The following C6orf136 variants were observed in gnomAD, a reference collection of about 807,000 sequenced individuals.
C6orf136 encodes the protein uncharacterized protein C6orf136.
C6orf136 carries 29 observed loss-of-function variants against 44.0 expected under a neutral mutation model. The observed-to-expected ratio is 0.66, with a 90% CI of 0.49 to 0.90. The LOEUF (loss-of-function observed/expected upper bound fraction) is 0.90, where lower values mean the gene tolerates loss of function less well. Ranked by LOEUF, C6orf136 falls within the 40% of genes least tolerant of loss-of-function variation. C6orf136 has a pLI of 0.00. For missense variants in C6orf136, 628 were observed against 669.3 expected (o/e 0.94, Z 0.68); for synonymous variants, 293 against 278.6 (o/e 1.05, Z -0.52).
In C6orf136 at chr6:30,649,616, C is replaced by G. The variant is rs372878394; in HGVS notation, c.674C>G (p.Thr225Ser). 3.6e-5 allele frequency: 57 copies of G among 1,596,490 alleles called. No individual in the cohort carries two copies. The highest frequency in any genetic ancestry group is 7.5e-5 in the Admixed American group (4 of 53,334). Residue 225 changes from threonine to serine, a missense_variant, in exon 2 of 6, where the codon ACC (threonine) becomes AGC (serine). Physicochemically the swap from Thr to Ser is moderately conservative, Grantham distance 58. Around this residue, in one of 2 missense-constraint regions of C6orf136, gnomAD observed 497 missense variants for 469.2 expected, o/e 1.06. Coordinates refer to ENST00000651131, the MANE Select transcript of C6orf136 (RefSeq NM_001161376.2). The stretch of plus-strand genomic sequence containing the variant: ...CCCCTTTGGCCCCACTCCACGACAA[C>G]CACTTCCCCATCTTCTCCTCTATTC... ...FPPLWPHSTT[T>S]TSPSSPLFWS...
In C6orf136 at chr6:30,647,607, GGT is replaced by G. The variant is rs1766974387; in HGVS notation, c.378_379del (p.Asp127PhefsTer10). On this transcript the variant is annotated frameshift_variant, in exon 1 of 6. Transcript: ENST00000651131. LOFTEE classifies it high-confidence loss of function. This position sits in a 1 kb window ranked among gnomAD's most constrained non-coding sequence, Gnocchi z 4.8. ...CTCTCCGCGGTTACCTGTGCCTAGA[GGT>G]GATTTGAAGGGCAGGGGCCGAGAGA... The part of the protein sequence containing the change: ...PDSPRLPVPR[G>X]DLKGRGREIR... 1 of 1,549,188 alleles carries G rather than the reference GGT, an allele frequency of 6.5e-7. No homozygotes were observed. The highest frequency in any genetic ancestry group is 2.4e-5 in the East Asian group (1 of 40,882).
Position 30,649,544 on chromosome 6 carries a change from T to C in C6orf136, c.616-14T>C. 1 of 1,573,340 alleles carries C rather than the reference T, an allele frequency of 6.4e-7. No homozygotes were observed. Among genetic ancestry groups the C allele is most frequent in the Non-Finnish European group, 8.6e-7 (1 of 1,169,506 alleles). On this transcript the variant is annotated splice_polypyrimidine_tract_variant and intron_variant, in intron 1 of 5. Coordinates refer to ENST00000651131, the MANE Select transcript of C6orf136 (RefSeq NM_001161376.2). Reference sequence around the variant, plus strand: ...TGGATTCTTATCTTTCTCCCTTCTGTTCTTTCTCCTTAGGACCAGCTTTAT... The same window carrying C: ...TGGATTCTTATCTTTCTCCCTTCTGCTCTTTCTCCTTAGGACCAGCTTTAT...
Position 30,649,948 on chromosome 6 carries a change from C to G in C6orf136, c.1006C>G (p.Leu336Val). The G allele has an allele frequency of 6.2e-7, 1 of 1,613,240 alleles. No homozygotes were observed. Among genetic ancestry groups the G allele is most frequent in the Non-Finnish European group, 8.5e-7 (1 of 1,179,870 alleles). ...EEHLSVMYER[L>V]RQELPKLFLQ... ...ACATCTGTCTGTCATGTATGAGAGACTGAGACAAGAGGTAAGTCAGTGCAA... is the reference window on the plus strand; with the variant it reads ...ACATCTGTCTGTCATGTATGAGAGAGTGAGACAAGAGGTAAGTCAGTGCAA... The change falls in exon 2 of 6, where the codon CTG (leucine) becomes GTG (valine). Residue 336 changes from leucine (L) to valine (V), a missense_variant. Leu to Val is a conservative substitution (Grantham distance 32). Around this residue, in one of 2 missense-constraint regions of C6orf136, gnomAD observed 497 missense variants for 469.2 expected, o/e 1.06. Coordinates refer to ENST00000651131, the MANE Select transcript of C6orf136 (RefSeq NM_001161376.2).
rs1272678827 is a variant in C6orf136 at position 30,653,062 on chromosome 6, T to C, written c.*147T>C. On this transcript the variant is annotated 3_prime_UTR_variant, in exon 6 of 6. Coordinates refer to ENST00000651131, the MANE Select transcript of C6orf136 (RefSeq NM_001161376.2). ...TCTCATGCTGTGTAAAGCTGCTGTG[T>C]AATTTAACTTGTAAATAATAAAGTT... 3.3e-5 allele frequency: 35 copies of C among 1,051,482 alleles called. No homozygotes were observed. Among genetic ancestry groups the C allele is most frequent in the Non-Finnish European group, 4.5e-5 (33 of 732,780 alleles). The allele number at this position is 1,051,482 out of a possible 1,614,324, so 65.1% of individuals were successfully genotyped here. A position where few individuals can be genotyped will look rare whatever the true frequency, so the allele number is the denominator to read the frequency against.
chr6:30,653,046 G>A lies in C6orf136; in HGVS notation c.*131G>A, dbSNP rs1224482172. 1 of 1,067,268 alleles carries A rather than the reference G, an allele frequency of 9.4e-7. No homozygotes were observed. Among genetic ancestry groups the A allele is most frequent in the Non-Finnish European group, 1.4e-6 (1 of 738,268 alleles). 66.1% of individuals were successfully genotyped at this position (1,067,268 alleles called of 1,614,324 possible). A position where few individuals can be genotyped will look rare whatever the true frequency, so the allele number is the denominator to read the frequency against. ...CCTTCCTTCCTTTCCATCTCATGCTGTGTAAAGCTGCTGTGTAATTTAACT... is the reference window on the plus strand; with the variant it reads ...CCTTCCTTCCTTTCCATCTCATGCTATGTAAAGCTGCTGTGTAATTTAACT... On this transcript the variant is annotated 3_prime_UTR_variant, in exon 6 of 6. Transcript: ENST00000651131.
chr6:30,650,939 A>G, intron 2 of C6orf136, 55 bp from the exon 3 acceptor site: 4 of 1,391,316 alleles, frequency 2.9e-6, no homozygotes, highest in Non-Finnish European at 4.0e-6. Flanking sequence ...AGAAAACTGA[A>G]AAATAGGATT....
intron 1 of C6orf136, among the ~76,000 whole-genome samples, chr6:30,648,668 G>A (rs1448466202): frequency 6.1e-5 from 9 of 147,696 alleles, no homozygotes; most frequent in Admixed American, 1.3e-4. Context: ...CCAAAGTGCT[G>A]GGATTACAGG....
rs3132593 is a variant in C6orf136, at chr6:30,650,339, A to G, written c.1017+380A>G. 6.9e-3 allele frequency among the ~76,000 whole-genome samples: 1,045 copies of G among 150,556 alleles called. 10 individuals carry two copies. The highest frequency in any genetic ancestry group is 9.8e-3 in the Admixed American group (148 of 15,062). On this transcript the variant is annotated intron_variant, in intron 2 of 5. Coordinates refer to ENST00000651131, the MANE Select transcript of C6orf136 (RefSeq NM_001161376.2). ...AACCCAGGAGGCGCAGTGAAAGGAGATATCTCCATTGTACTCCAGCCTAGG... is the reference window on the plus strand; with the variant it reads ...AACCCAGGAGGCGCAGTGAAAGGAGGTATCTCCATTGTACTCCAGCCTAGG...
At chr6:30,648,722 C>T (rs972304977) in intron 1 of C6orf136, among the ~76,000 whole-genome samples, 1 of 135,916 alleles carries the variant, frequency 7.4e-6, no homozygotes, top group Non-Finnish European at 1.6e-5. Context: ...GATTCCAACA[C>T]TGGGCCGGGC....
rs867405970 is a variant in C6orf136, at chr6:30,649,929, G to A, written c.987G>A (p.Leu329=). Residue 329 remains leucine, a synonymous_variant, in exon 2 of 6, where the codon CTG becomes CTA. Coordinates refer to ENST00000651131, the MANE Select transcript of C6orf136 (RefSeq NM_001161376.2). ...GAGATCCTAGTATGGAGGAACATCT[G>A]TCTGTCATGTATGAGAGACTGAGAC... ...PSGDPSMEEH[L]SVMYERLRQE... The A allele has an allele frequency of 1.2e-6, 2 of 1,613,758 alleles. No individual in the cohort carries two copies. The highest frequency in any genetic ancestry group is 3.3e-4 in the Middle Eastern group (2 of 6,060).
At chr6:30,650,827 G>A (rs780923311) in intron 2 of C6orf136, among the ~76,000 whole-genome samples, 167 bp from the exon 3 acceptor site, 27 of 149,948 alleles carry the variant, frequency 1.8e-4, no homozygotes, top group Non-Finnish European at 3.1e-4. Context: ...CAGGAGAATC[G>A]CTTGAACCTA....
chr6:30,652,459 A>C (rs1767523293), intron 4 of C6orf136, among the ~76,000 whole-genome samples, 189 bp from the exon 5 acceptor site: 1 of 152,162 alleles, frequency 6.6e-6, no homozygotes, highest in Non-Finnish European at 1.5e-5. Context: ...AAGGATCGTT[A>C]AAAAATATTG....
At chr6:30,652,549 A>G (rs953982166) in intron 4 of C6orf136, 99 bp from the exon 5 acceptor site, 59 of 1,060,336 alleles carry the variant, frequency 5.6e-5, no homozygotes, top group Non-Finnish European at 6.8e-5. Context: ...GTGATCTAAT[A>G]TGTAGCAGAA....
At chr6:30,652,774 C>CA in intron 5 of C6orf136, 28 bp from the exon 6 acceptor site, 1 of 1,611,758 alleles carries the variant, frequency 6.2e-7, no homozygotes, top group Non-Finnish European at 8.5e-7. Flanking sequence ...GTGCCTCCCC[C>CA]AACTGGCATT....
chr6:30,649,328 A>C (rs1330404955), intron 1 of C6orf136, among the ~76,000 whole-genome samples: 32 of 152,216 alleles, frequency 2.1e-4, no homozygotes, highest in Admixed American at 2.1e-3. Flanking sequence ...GTGCTACTGC[A>C]CTCCAGCCTG....
In C6orf136 at chr6:30,647,153, C is replaced by G. The variant is rs1197480929; in HGVS notation, c.-79C>G. On this transcript the variant is annotated 5_prime_UTR_variant, in exon 1 of 6. Coordinates refer to ENST00000651131, the MANE Select transcript of C6orf136 (RefSeq NM_001161376.2). The surrounding 1 kb of genome is among the most constrained non-coding windows in gnomAD (Gnocchi z 4.8). ...CCGGCCTCCTTTCCCCTTCACGAAG[C>G]CGGCTCTGGGGCGCGCTCACCCCTG... 1 of 1,320,088 alleles carries G rather than the reference C, an allele frequency of 7.6e-7. No homozygotes were observed. The allele number at this position is 1,320,088 out of a possible 1,614,324, so 81.8% of individuals were successfully genotyped here. A position where few individuals can be genotyped will look rare whatever the true frequency, so the allele number is the denominator to read the frequency against.
At position 30,649,614 on chromosome 6, in the gene C6orf136, A is replaced by G. The variant is rs765666386; in HGVS notation, c.672A>G (p.Thr224=). 6.3e-7 allele frequency: 1 copy of G among 1,595,986 alleles called. No individual in the cohort carries two copies. Among genetic ancestry groups the G allele is most frequent in the Non-Finnish European group, 8.5e-7 (1 of 1,175,228 alleles). The change falls in exon 2 of 6, where the codon ACA becomes ACG. Residue 224 remains threonine, a synonymous_variant. Transcript: ENST00000651131. ...PFPPLWPHST[T]TTSPSSPLFW... ...CACCCCTTTGGCCCCACTCCACGACAACCACTTCCCCATCTTCTCCTCTAT... is the reference window on the plus strand; with the variant it reads ...CACCCCTTTGGCCCCACTCCACGACGACCACTTCCCCATCTTCTCCTCTAT...
rs1767533238 is a variant in C6orf136 at position 30,652,559 on chromosome 6, A to G, written c.1308-89A>G. 3.3e-6 allele frequency: 4 copies of G among 1,202,310 alleles called. No individual in the cohort carries two copies. The South Asian group carries it at 4.8e-5, about 15-fold the overall frequency. 74.5% of individuals were successfully genotyped at this position (1,202,310 alleles called of 1,614,324 possible). A position where few individuals can be genotyped will look rare whatever the true frequency, so the allele number is the denominator to read the frequency against. ...CCCAGGTGATCTAATATGTAGCAGA[A>G]TTTAGGGACTACTCGTTTAAACAAA... On this transcript the variant is annotated intron_variant, in intron 4 of 5. Transcript: ENST00000651131.
At position 30,651,362 on chromosome 6, in the gene C6orf136, C is replaced by T. The variant is rs1767393670; in HGVS notation, c.1203C>T (p.Arg401=). 6.2e-7 allele frequency: 1 copy of T among 1,613,834 alleles called. No homozygotes were observed. Among genetic ancestry groups the T allele is most frequent in the East Asian group, 2.2e-5 (1 of 44,908 alleles). Reference sequence around the variant, plus strand: ...GTTTGGAGGTTTTACAGCTGACCCGCCACCCTGAGAACTGGACCCTGCAAG... The same window carrying T: ...GTTTGGAGGTTTTACAGCTGACCCGTCACCCTGAGAACTGGACCCTGCAAG... ...HLRLEVLQLT[R]HPENWTLQAR... is the part of the protein sequence containing the mutation. Residue 401 remains arginine, a synonymous_variant, in exon 4 of 6, where the codon CGC becomes CGT. Coordinates refer to ENST00000651131, the MANE Select transcript of C6orf136 (RefSeq NM_001161376.2).
Sources: allele counts gnomAD v4.1 joint callset (sites outside exome capture counted in the v4.1 genomes callset), GRCh38; gene constraint gnomAD v4.1.1; regional missense constraint gnomAD v4.1.1; non-coding constraint Gnocchi (gnomAD v3.1); transcripts MANE v1.5; gene names NCBI Gene and HGNC (gene_info 2026-07-23, HGNC 2026-07-21).